The following HIVEP1 variants were observed in gnomAD, a reference collection of about 807,000 sequenced individuals.
HIVEP1 encodes the protein HIVEP zinc finger 1.
Under a neutral mutation model 180.0 loss-of-function variants are expected in HIVEP1, and 36 were observed. The ratio of observed to expected loss-of-function variants is 0.20; its 90% confidence interval spans 0.15 to 0.26. The LOEUF is 0.26. Among genes scored for constraint, HIVEP1 ranks in the 10% least tolerant of loss-of-function variants. The pLI is 1.00. For missense variants in HIVEP1, 3,143 were observed against 3,268.7 expected, an observed-to-expected ratio of 0.96 and a Z score of 0.94; for synonymous variants, 1,239 against 1,239.0, an observed-to-expected ratio of 1.00 and a Z score of 0.00.
At chr6:12,182,601 G>C in the HIVEP1 span, among the ~76,000 whole-genome samples, 4 of 152,166 alleles carry the variant, frequency 2.6e-5, no homozygotes, top group African/African-American at 9.7e-5. Context: ...AAGATGATGT[G>C]ACATAGTGAT....
At chr6:12,108,322 T>C (rs575634206) in intron 3 of HIVEP1, among the ~76,000 whole-genome samples, 4 of 152,326 alleles carry the variant, frequency 2.6e-5, no homozygotes, top group Admixed American at 2.0e-4. Context: ...CCCAGCTGGC[T>C]TCACCCAGTA....
the HIVEP1 span, among the ~76,000 whole-genome samples, chr6:12,180,289 C>T: frequency 6.6e-6 from 1 of 152,162 alleles, no homozygotes; most frequent in East Asian, 1.9e-4. Context: ...ACTACAGGCC[C>T]ATTATTTGCT....
the HIVEP1 span, among the ~76,000 whole-genome samples, chr6:12,200,190 G>A: frequency 6.6e-6 from 1 of 152,306 alleles, no homozygotes; most frequent in Middle Eastern, 3.4e-3. Flanking sequence ...CAGCCCAGGA[G>A]TGTGCCATGT....
Position 12,123,917 on chromosome 6 carries a change from G to A in HIVEP1, c.4122G>A (p.Thr1374=), listed in dbSNP as rs756416238. ...RRTASEQINC[T]QTSMEVSDLR... is the part of the protein sequence containing the mutation. ...CTGCATCAGAACAGATTAATTGCAC[G>A]CAAACGTCAATGGAGGTCTCTGATC... Residue 1374 remains threonine (T), a synonymous_variant, in exon 4 of 9, where the codon ACG becomes ACA. Coordinates refer to ENST00000379388, the MANE Select transcript of HIVEP1 (RefSeq NM_002114.4). 49 of 1,613,962 alleles carry A rather than the reference G, an allele frequency of 3.0e-5. No individual in the cohort carries two copies. The highest frequency in any genetic ancestry group is 1.6e-4 in the Middle Eastern group (1 of 6,082).
chr6:12,107,860 GTT>G (rs1774549017), intron 3 of HIVEP1, among the ~76,000 whole-genome samples: 1 of 150,470 alleles, frequency 6.6e-6, no homozygotes, highest in African/African-American at 2.5e-5. Flanking sequence ...TGAGGGGTGT[GTT>G]TTGACAGGGC....
rs766467894 is a variant in HIVEP1 at position 12,120,354 on chromosome 6, A to G, written c.559A>G (p.Thr187Ala). The G allele has an allele frequency of 6.2e-6, 10 of 1,614,192 alleles. No homozygotes were observed. The East Asian group carries it at 8.9e-5, about 14-fold the overall frequency. ...SECISSHCGT[T>A]SPSYTNTAFD... ...ATGCATCTCTTCTCATTGTGGCACT[A>G]CGTCCCCCTCCTATACAAACACTGC... Residue 187 changes from threonine (T) to alanine (A), a missense_variant, in exon 4 of 9, where the codon ACG (threonine) becomes GCG (alanine). Around this residue, in one of 12 missense-constraint regions of HIVEP1, gnomAD observed 306 missense variants for 310.6 expected, o/e 0.99. Coordinates refer to ENST00000379388, the MANE Select transcript of HIVEP1 (RefSeq NM_002114.4).
At chr6:12,094,850 A>T (rs540179239) in intron 3 of HIVEP1, among the ~76,000 whole-genome samples, 1 of 152,108 alleles carries the variant, frequency 6.6e-6, no homozygotes, top group East Asian at 1.9e-4. Flanking sequence ...TGTTTGTTTG[A>T]TATTGGAACT....
chr6:12,120,786 ACAT>A lies in HIVEP1; in HGVS notation c.996_998del (p.Ser333del), dbSNP rs1757590793. ...TGAACAGGTTTATAATATAGCAGTG[ACAT>A]CATCTGTAGGCCTAACTTCACCTTC... On this transcript the variant is annotated inframe_deletion, in exon 4 of 9. Coordinates refer to ENST00000379388, the MANE Select transcript of HIVEP1 (RefSeq NM_002114.4). 6.2e-7 allele frequency: 1 copy of A among 1,614,220 alleles called. No individual in the cohort carries two copies.
chr6:12,090,687 A>G (rs114788388), intron 3 of HIVEP1, among the ~76,000 whole-genome samples: 1,510 of 149,212 alleles, frequency 0.01, 28 homozygotes, highest in African/African-American at 0.035. Context: ...TGAGACACTC[A>G]GGTTATAAGA....
At chr6:12,103,245 A>G (rs1182632073) in intron 3 of HIVEP1, among the ~76,000 whole-genome samples, 1 of 151,908 alleles carries the variant, frequency 6.6e-6, no homozygotes, top group Non-Finnish European at 1.5e-5. Context: ...ATGAACTAAA[A>G]TTGAAGTTCT....
At chr6:12,183,406 C>G in the HIVEP1 span, among the ~76,000 whole-genome samples, 1 of 152,210 alleles carries the variant, frequency 6.6e-6, no homozygotes, top group African/African-American at 2.4e-5. Context: ...TTAGCATCCT[C>G]TTCTGTTTAT....
At chr6:12,186,830 G>T in the HIVEP1 span, among the ~76,000 whole-genome samples, 1 of 150,740 alleles carries the variant, frequency 6.6e-6, no homozygotes, top group African/African-American at 2.4e-5. Context: ...TTATGAAATA[G>T]AAATTTTCCA....
In HIVEP1 at chr6:12,125,578, C is replaced by G. The variant is rs1334888241; in HGVS notation, c.5783C>G (p.Thr1928Ser). 1.2e-6 allele frequency: 2 copies of G among 1,614,196 alleles called. No homozygotes were observed. Among genetic ancestry groups the G allele is most frequent in the Non-Finnish European group, 1.7e-6 (2 of 1,180,042 alleles). ...CTTTCATTGTTTAACATCAAGGACA[C>G]CCAGCAGCTGGCTTTCCCTAGCCTG... ...TSLSLFNIKD[T>S]QQLAFPSLKT... is the part of the protein sequence containing the mutation. Residue 1928 changes from threonine (T) to serine (S), a missense_variant, in exon 4 of 9, where the codon ACC becomes AGC. By Grantham distance (58) the Thr-to-Ser change is moderately conservative (BLOSUM62 1). Around this residue, in one of 12 missense-constraint regions of HIVEP1, gnomAD observed 1,357 missense variants for 1,260.5 expected, o/e 1.08. Coordinates refer to ENST00000379388, the MANE Select transcript of HIVEP1 (RefSeq NM_002114.4).
intron 2 of HIVEP1, among the ~76,000 whole-genome samples, chr6:12,054,592 G>T (rs768946022): frequency 6.6e-6 from 1 of 152,010 alleles, no homozygotes. Flanking sequence ...GTATTTTTCG[G>T]TGTCATTAAA....
chr6:12,082,639 A>G (rs1269874584), intron 2 of HIVEP1, among the ~76,000 whole-genome samples: 1 of 152,118 alleles, frequency 6.6e-6, no homozygotes, highest in Non-Finnish European at 1.5e-5. Flanking sequence ...CATGTATCCA[A>G]ACTGCTTTGA....
chr6:12,087,995 C>T (rs1239689574), intron 2 of HIVEP1, among the ~76,000 whole-genome samples: 1 of 152,114 alleles, frequency 6.6e-6, no homozygotes, highest in Non-Finnish European at 1.5e-5. Context: ...TTCCTTTGTT[C>T]TGTTCTCCCA....
chr6:12,102,078 A>G (rs1300405348), intron 3 of HIVEP1, among the ~76,000 whole-genome samples: 1 of 152,166 alleles, frequency 6.6e-6, no homozygotes, highest in African/African-American at 2.4e-5. Flanking sequence ...TCCACCTGAT[A>G]ATAGAGCCTT....
the HIVEP1 span, among the ~76,000 whole-genome samples, chr6:12,194,303 A>C: frequency 6.6e-6 from 1 of 152,116 alleles, no homozygotes. Context: ...ATGATATCAG[A>C]TTTTAGGAAG....
intron 4 of HIVEP1, 28 bp from the exon 5 acceptor site, chr6:12,129,726 TATTAA>T (rs768370111): frequency 2.6e-6 from 4 of 1,549,922 alleles, no homozygotes; most frequent in Non-Finnish European, 3.6e-6. Flanking sequence ...TTTTCAGTTT[TATTAA>T]ATTAGTTTCT....
Sources: gnomAD v4.1 joint callset for allele counts (sites outside exome capture counted in the v4.1 genomes callset) on GRCh38, gnomAD v4.1.1 for gene constraint, gnomAD v4.1.1 regional missense constraint, MANE v1.5 for transcripts, NCBI Gene and HGNC (gene_info 2026-07-23, HGNC 2026-07-21) for gene names.